The following PDE10A variants were observed in gnomAD, a reference collection of about 807,000 sequenced individuals.
PDE10A encodes cAMP and cAMP-inhibited cGMP 3',5'-cyclic phosphodiesterase 10A.
Under a neutral mutation model 97.7 loss-of-function variants are expected in PDE10A, and 39 were observed. The observed-to-expected ratio is 0.40, with a 90% CI of 0.31 to 0.52. PDE10A has a LOEUF of 0.52. Ranked by LOEUF, PDE10A falls within the 20% of genes least tolerant of loss-of-function variation. The probability of loss-of-function intolerance (pLI) is 0.56; values close to 1 mark genes in which losing one functional copy is unlikely to be tolerated. For missense variants in PDE10A, 731 were observed against 1,047.8 expected, an observed-to-expected ratio of 0.70 and a Z score of 4.17; for synonymous variants, 371 against 376.8, an observed-to-expected ratio of 0.98 and a Z score of 0.18.
chr6:165,749,104 C>T (rs1278006858), intron 1 of PDE10A, among the ~76,000 whole-genome samples: 1 of 125,910 alleles, frequency 7.9e-6, no homozygotes, highest in African/African-American at 2.9e-5. Context: ...ATCAGTTAAT[C>T]ACGTAAGGAG....
intron 1 of PDE10A, among the ~76,000 whole-genome samples, chr6:165,891,646 A>G (rs373979691): frequency 7.2e-5 from 11 of 152,282 alleles, no homozygotes; most frequent in African/African-American, 2.2e-4. Context: ...AGGCTGCCGT[A>G]GGAGACTAGA....
chr6:165,526,124 C>T lies in PDE10A; in HGVS notation c.994+17316G>A, dbSNP rs191419500. Among the ~76,000 whole-genome samples the T allele has an allele frequency of 2.0e-3, 298 of 152,250 alleles. 1 individual carries two copies. Among genetic ancestry groups the T allele is most frequent in the African/African-American group, 7.0e-3 (289 of 41,532 alleles). On this transcript the variant is annotated intron_variant, in intron 2 of 21. Coordinates refer to ENST00000539869, the MANE Select transcript of PDE10A (RefSeq NM_001385079.1). ...TCTCATCCTTCCCCAAGGAGACCTC[C>T]GGCCTTTTACCAAGGTAACTGTGTA...
At chr6:165,472,035 G>T (rs537132584) in intron 3 of PDE10A, among the ~76,000 whole-genome samples, 1 of 152,148 alleles carries the variant, frequency 6.6e-6, no homozygotes, top group Admixed American at 6.5e-5. Context: ...AACTTGAGAT[G>T]AGTTATTTTC....
intron 12 of PDE10A, among the ~76,000 whole-genome samples, chr6:165,414,658 A>G (rs1322312840): frequency 1.3e-5 from 2 of 152,226 alleles, no homozygotes; most frequent in Non-Finnish European, 2.9e-5. Flanking sequence ...CTGTAGCACC[A>G]TATGTTTTCA....
At chr6:165,637,278 A>C (rs1788921293) in intron 1 of PDE10A, among the ~76,000 whole-genome samples, 1 of 152,130 alleles carries the variant, frequency 6.6e-6, no homozygotes, top group African/African-American at 2.4e-5. Context: ...GAAGCAATAA[A>C]AAACAATCAA....
intron 19 of PDE10A, among the ~76,000 whole-genome samples, chr6:165,342,091 T>A (rs1387029445): frequency 6.6e-6 from 1 of 152,242 alleles, no homozygotes; most frequent in East Asian, 1.9e-4. Flanking sequence ...TGATAAATTT[T>A]AACTTATCAT....
intron 1 of PDE10A, among the ~76,000 whole-genome samples, chr6:165,784,003 A>G (rs1778417431): frequency 6.6e-6 from 1 of 152,144 alleles, no homozygotes; most frequent in South Asian, 2.1e-4. Flanking sequence ...GTGGATCACG[A>G]GATCAGGAGT....
At chr6:165,450,408 T>C (rs778583608) in intron 3 of PDE10A, 46 bp from the exon 4 acceptor site, 1 of 1,204,982 alleles carries the variant, frequency 8.3e-7, no homozygotes, top group Admixed American at 2.1e-5. Context: ...TTAAATAAAA[T>C]ATAACAAAAA....
At chr6:165,714,786 G>C (rs569034504) in intron 1 of PDE10A, among the ~76,000 whole-genome samples, 3 of 152,380 alleles carry the variant, frequency 2.0e-5, no homozygotes, top group East Asian at 1.9e-4. Context: ...GGCAGGAGGA[G>C]AGTGACTGTT....
At chr6:165,553,312 T>C (rs1315972641) in intron 1 of PDE10A, among the ~76,000 whole-genome samples, 1 of 152,146 alleles carries the variant, frequency 6.6e-6, no homozygotes, top group Non-Finnish European at 1.5e-5. Context: ...CGTAAACAGT[T>C]TTCACTATCA....
At chr6:165,857,034 C>G (rs1780756038) in intron 1 of PDE10A, among the ~76,000 whole-genome samples, 1 of 152,162 alleles carries the variant, frequency 6.6e-6, no homozygotes, top group African/African-American at 2.4e-5. Context: ...AATTCATCAC[C>G]CAAGATACGC....
At chr6:165,482,038 AGT>A (rs1250873567) in intron 3 of PDE10A, among the ~76,000 whole-genome samples, 2 of 152,162 alleles carry the variant, frequency 1.3e-5, no homozygotes. Context: ...CTTTACATAC[AGT>A]GTCTCAATTT....
intron 2 of PDE10A, among the ~76,000 whole-genome samples, chr6:165,523,679 T>C (rs1466100984): frequency 6.6e-6 from 1 of 152,160 alleles, no homozygotes; most frequent in Non-Finnish European, 1.5e-5. Flanking sequence ...ATAAGAACCC[T>C]AGGAAATACC....
rs1452107984 is a variant in PDE10A, at chr6:165,691,098, TTTCTCTCTCC to T, written c.-614-147540_-614-147531del. ...CTTTCTCTCTCTCTCTCTCTCTCTC[TTTCTCTCTCC>T]CCCCCCCCATCAGTGCCTGTGGTCA... On this transcript the variant is annotated intron_variant, in intron 1 of 19. Transcript: ENST00000366882. 3.1e-3 allele frequency among the ~76,000 whole-genome samples: 86 copies of T among 27,716 alleles called. 5 individuals carry two copies. Among genetic ancestry groups the T allele is most frequent in the South Asian group, 0.012 (8 of 658 alleles). The allele number at this position is 27,716 out of a possible 152,430, so 18.2% of individuals were successfully genotyped here.
At chr6:165,553,395 T>G (rs1784108919) in intron 1 of PDE10A, among the ~76,000 whole-genome samples, 1 of 152,204 alleles carries the variant, frequency 6.6e-6, no homozygotes, top group South Asian at 2.1e-4. Flanking sequence ...GATTGACTAG[T>G]ACTGATACCA....
intron 1 of PDE10A, among the ~76,000 whole-genome samples, chr6:165,765,639 G>A (rs559358017): frequency 3.2e-4 from 48 of 152,308 alleles, no homozygotes; most frequent in African/African-American, 1.1e-3. Flanking sequence ...AGCGCCACAT[G>A]CAGCCCCGGT....
chr6:165,906,518 G>T (rs1782291470), intron 1 of PDE10A, among the ~76,000 whole-genome samples: 1 of 152,140 alleles, frequency 6.6e-6, no homozygotes, highest in African/African-American at 2.4e-5. Flanking sequence ...GAACTTGGTG[G>T]GTCCCAAGCT....
intron 18 of PDE10A, among the ~76,000 whole-genome samples, chr6:165,367,253 G>C (rs1783836146): frequency 6.6e-6 from 1 of 151,738 alleles, no homozygotes; most frequent in Admixed American, 6.6e-5. Context: ...GTGTGTGTGT[G>C]TGTGTGTGTG....
At chr6:165,778,567 G>C (rs558556624) in intron 1 of PDE10A, among the ~76,000 whole-genome samples, 2 of 152,246 alleles carry the variant, frequency 1.3e-5, no homozygotes, top group African/African-American at 2.4e-5. Context: ...TAATGAACAC[G>C]CCTAAGAGTG....
Sources: allele counts gnomAD v4.1 joint callset (sites outside exome capture counted in the v4.1 genomes callset), GRCh38; gene constraint gnomAD v4.1.1; transcripts MANE v1.5; gene names NCBI Gene and HGNC (gene_info 2026-07-23, HGNC 2026-07-21).